The following PHF2 variants were observed in gnomAD, a reference collection of about 807,000 sequenced individuals.
PHF2 encodes lysine-specific demethylase PHF2.
PHF2 carries 27 observed loss-of-function variants against 120.5 expected under a neutral mutation model. The observed-to-expected ratio is 0.22, with a 90% CI of 0.17 to 0.31. PHF2 has a LOEUF of 0.31. PHF2 is among the 10% of genes least tolerant of loss of function. PHF2 has a pLI of 1.00. For synonymous variants in PHF2, 568 were observed against 592.5 expected (o/e 0.96, Z 0.60); for missense variants, 1,024 against 1,434.8 (o/e 0.71, Z 4.63).
At chr9:93,635,514 T>C (rs1192047257) in intron 2 of PHF2, among the ~76,000 whole-genome samples, 1 of 152,198 alleles carries the variant, frequency 6.6e-6, no homozygotes, top group Non-Finnish European at 1.5e-5. Context: ...CAGGCCCCAG[T>C]GGCCTCCCTT....
chr9:93,584,983 T>C (rs573427363), intron 1 of PHF2, among the ~76,000 whole-genome samples: 23 of 152,288 alleles, frequency 1.5e-4, no homozygotes, highest in Non-Finnish European at 3.4e-4. Context: ...GTTTTATTCT[T>C]TTGGACGCTA....
At chr9:93,598,622 C>T (rs1825376651) in intron 1 of PHF2, among the ~76,000 whole-genome samples, 1 of 152,046 alleles carries the variant, frequency 6.6e-6, no homozygotes, top group Non-Finnish European at 1.5e-5. Context: ...AGAGGTTGTT[C>T]GTGAGTATCA....
rs143532014 is a variant in PHF2, at chr9:93,657,650, G to T, written c.1148-495G>T. 1.5e-3 allele frequency among the ~76,000 whole-genome samples: 231 copies of T among 152,356 alleles called. 1 individual carries two copies. The highest frequency in any genetic ancestry group is 5.3e-3 in the African/African-American group (222 of 41,590). On this transcript the variant is annotated intron_variant, in intron 9 of 21. Transcript: ENST00000359246. ...GGTCCTGGTGCGTCAGAGCCCTGGAGCCCTGGAGCCCTCTTCAATGGGAAG... is the reference window on the plus strand; with the variant it reads ...GGTCCTGGTGCGTCAGAGCCCTGGATCCCTGGAGCCCTCTTCAATGGGAAG...
intron 1 of PHF2, among the ~76,000 whole-genome samples, chr9:93,584,485 A>G (rs1419195477): frequency 6.6e-6 from 1 of 152,132 alleles, no homozygotes; most frequent in Non-Finnish European, 1.5e-5. Flanking sequence ...TCTCAGCATC[A>G]TTTGTTGATG....
At chr9:93,625,315 T>G (rs1825896233) in intron 1 of PHF2, among the ~76,000 whole-genome samples, 1 of 152,220 alleles carries the variant, frequency 6.6e-6, no homozygotes, top group Non-Finnish European at 1.5e-5. Context: ...AGGACCTCAT[T>G]CCTTTTTAAG....
chr9:93,660,106 A>G (rs954323722), intron 11 of PHF2, 86 bp from the exon 12 acceptor site: 74 of 1,430,774 alleles, frequency 5.2e-5, no homozygotes, highest in Non-Finnish European at 6.4e-5. Context: ...CCTGGCACTG[A>G]GTGTCTCCAG....
intron 1 of PHF2, among the ~76,000 whole-genome samples, chr9:93,603,255 G>A (rs1263194750): frequency 2.0e-5 from 3 of 152,152 alleles, no homozygotes; most frequent in Admixed American, 2.0e-4. Context: ...AAAGACCCCA[G>A]GGTCAGAGGC....
At position 93,653,443 on chromosome 9, in the gene PHF2, G is replaced by A. The variant is rs544245880; in HGVS notation, c.789+78G>A. 38 of 1,455,894 alleles carry A rather than the reference G, an allele frequency of 2.6e-5. No individual in the cohort carries two copies. The South Asian group carries it at 4.5e-4, about 17-fold the overall frequency. 90.2% of individuals were successfully genotyped at this position (1,455,894 alleles called of 1,614,324 possible). A position where few individuals can be genotyped will look rare whatever the true frequency, so the allele number is the denominator to read the frequency against. ...GCAGGATTGTCTGCAGTCCCCACAA[G>A]CCCTGATTGGCCAGGATGCGACTCC... On this transcript the variant is annotated intron_variant, in intron 6 of 21. Coordinates refer to ENST00000359246, the MANE Select transcript of PHF2 (RefSeq NM_005392.4).
At chr9:93,670,804 G>A (rs1280873063) in intron 17 of PHF2, among the ~76,000 whole-genome samples, 1 of 152,166 alleles carries the variant, frequency 6.6e-6, no homozygotes, top group East Asian at 1.9e-4. Flanking sequence ...ACAGGAGGAG[G>A]TGTGTGCATA....
chr9:93,650,459 C>T (rs1826349839), intron 5 of PHF2, among the ~76,000 whole-genome samples: 1 of 152,222 alleles, frequency 6.6e-6, no homozygotes, highest in Non-Finnish European at 1.5e-5. Flanking sequence ...TGAGATCCTG[C>T]AGGGGCGGCT....
chr9:93,583,826 C>CT (rs113746371), intron 1 of PHF2, among the ~76,000 whole-genome samples: 1,455 of 124,544 alleles, frequency 0.012, 19 homozygotes, highest in Middle Eastern at 0.014. Context: ...TTTTTCTTTT[C>CT]TTTTTTTTTT....
At chr9:93,669,268 C>G in intron 17 of PHF2, among the ~76,000 whole-genome samples, 1 of 152,200 alleles carries the variant, frequency 6.6e-6, no homozygotes, top group East Asian at 1.9e-4. Flanking sequence ...GTTGAGGGGT[C>G]GGGGCAGGGC....
intron 1 of PHF2, among the ~76,000 whole-genome samples, chr9:93,592,761 G>A (rs914232665): frequency 3.9e-5 from 6 of 152,142 alleles, no homozygotes; most frequent in African/African-American, 9.7e-5. Context: ...GAACACTGAT[G>A]TTCTGAGTGG....
chr9:93,659,489 C>T, intron 10 of PHF2, 22 bp from the exon 11 acceptor site: 2 of 1,608,748 alleles, frequency 1.2e-6, no homozygotes, highest in Non-Finnish European at 1.7e-6. Flanking sequence ...TGGTGCTGAC[C>T]CTGGGTCCGG....
At chr9:93,627,484 A>G in intron 1 of PHF2, among the ~76,000 whole-genome samples, 2 of 61,246 alleles carry the variant, frequency 3.3e-5, no homozygotes, top group South Asian at 7.3e-4. Context: ...GACTCCTTTT[A>G]TTTCAGGATT....
rs1298268488 is a variant in PHF2, at chr9:93,656,322, A to G, written c.1041-167A>G. Among the ~76,000 whole-genome samples the G allele has an allele frequency of 1.3e-5, 2 of 151,972 alleles. No individual in the cohort carries two copies. Among genetic ancestry groups the G allele is most frequent in the East Asian group, 3.9e-4 (2 of 5,152 alleles). On this transcript the variant is annotated intron_variant, in intron 8 of 21. Coordinates refer to ENST00000359246, the MANE Select transcript of PHF2 (RefSeq NM_005392.4). The surrounding 1 kb of genome is among the most constrained non-coding windows in gnomAD (Gnocchi z 4.1). ...CTTCTTGGGCACTGACAGAACTCTC[A>G]TGGGCCCCGAGGTCTGCAGCCACCA...
chr9:93,591,706 T>A (rs1045410648), intron 1 of PHF2, among the ~76,000 whole-genome samples: 1 of 152,190 alleles, frequency 6.6e-6, no homozygotes, highest in Non-Finnish European at 1.5e-5. Context: ...GGCCTACATG[T>A]CTGAGTGCAG....
chr9:93,668,892 A>C (rs1475034440), intron 17 of PHF2, among the ~76,000 whole-genome samples: 6 of 152,222 alleles, frequency 3.9e-5, no homozygotes, highest in Admixed American at 3.9e-4. Context: ...AGCGTAGGTC[A>C]GTTTTTGATG....
chr9:93,587,501 C>T (rs963165761), intron 1 of PHF2, among the ~76,000 whole-genome samples: 2 of 143,710 alleles, frequency 1.4e-5, no homozygotes, highest in African/African-American at 2.6e-5. Context: ...GGAGGAGCCC[C>T]GGGTGAGGGA....
Sources: allele counts gnomAD v4.1 joint callset (sites outside exome capture counted in the v4.1 genomes callset), GRCh38; gene constraint gnomAD v4.1.1; non-coding constraint Gnocchi (gnomAD v3.1); transcripts MANE v1.5; gene names NCBI Gene and HGNC (gene_info 2026-07-23, HGNC 2026-07-21).